The following ROR1 variants were observed in gnomAD, a reference collection of about 807,000 sequenced individuals.
The protein encoded by ROR1 is ROR family WNT receptor 1.
In ROR1, 19 loss-of-function variants were observed where a neutral mutation model predicts 78.8. That is an observed-to-expected ratio of 0.24 (90% CI 0.17 to 0.35). The LOEUF is 0.35. ROR1 is among the 10% of genes least tolerant of loss of function. ROR1 has a pLI of 1.00. For synonymous variants in ROR1, 386 were observed against 433.6 expected, an observed-to-expected ratio of 0.89 and a Z score of 1.36; for missense variants, 917 against 1,177.8, an observed-to-expected ratio of 0.78 and a Z score of 3.24.
intron 1 of ROR1, among the ~76,000 whole-genome samples, chr1:63,959,718 C>G (rs568933723): frequency 9.9e-5 from 15 of 152,204 alleles, no homozygotes; most frequent in Non-Finnish European, 1.5e-4. Flanking sequence ...TCAACATGAG[C>G]TAAGGAGCTA....
intron 1 of ROR1, among the ~76,000 whole-genome samples, chr1:63,829,430 C>T (rs965179915): frequency 8.5e-5 from 13 of 152,056 alleles, no homozygotes; most frequent in African/African-American, 2.2e-4. Flanking sequence ...ATGGGAGCAC[C>T]GTCACGAGGG....
chr1:64,146,424 C>T (rs762364075), intron 7 of ROR1, among the ~76,000 whole-genome samples: 3 of 152,066 alleles, frequency 2.0e-5, no homozygotes, highest in Non-Finnish European at 4.4e-5. Context: ...TGCAGTGAGC[C>T]GAGATCGCAC....
At chr1:63,957,050 C>T (rs1331434237) in intron 1 of ROR1, among the ~76,000 whole-genome samples, 1 of 152,148 alleles carries the variant, frequency 6.6e-6, no homozygotes, top group East Asian at 1.9e-4. Flanking sequence ...TGCTTCAGGT[C>T]TGGCTGGGCG....
chr1:63,982,385 A>G (rs188838464), intron 1 of ROR1, among the ~76,000 whole-genome samples: 8 of 152,346 alleles, frequency 5.3e-5, no homozygotes, highest in Admixed American at 3.9e-4. Context: ...CTATGTAAAT[A>G]TATGGTATTA....
intron 4 of ROR1, among the ~76,000 whole-genome samples, chr1:64,116,600 T>G (rs927936843): frequency 2.0e-5 from 3 of 152,176 alleles, no homozygotes; most frequent in Non-Finnish European, 2.9e-5. Flanking sequence ...ATAACAAACA[T>G]TCACAGATTG....
intron 1 of ROR1, among the ~76,000 whole-genome samples, chr1:63,913,756 G>C (rs1645588788): frequency 6.6e-6 from 1 of 152,186 alleles, no homozygotes; most frequent in South Asian, 2.1e-4. Context: ...AGCTGTCCAG[G>C]CTGTTTGGAT....
chr1:64,093,269 GAA>G lies in ROR1; in HGVS notation c.482+42554_482+42555del, dbSNP rs1028516489. Among the ~76,000 whole-genome samples the G allele has an allele frequency of 1.2e-4, 18 of 152,238 alleles. No homozygotes were observed. In the South Asian group the frequency reaches 3.3e-3, roughly 28 times the overall value. On this transcript the variant is annotated intron_variant, in intron 4 of 8. Transcript: ENST00000371079. The stretch of plus-strand genomic sequence containing the variant: ...AGGGTTTGTTTTTCCTGCTGTCCCA[GAA>G]TAGATGACTTAATGGGTTGCTGAAA...
chr1:64,029,776 C>T (rs180997496), intron 2 of ROR1, among the ~76,000 whole-genome samples: 85 of 152,244 alleles, frequency 5.6e-4, no homozygotes, highest in Non-Finnish European at 1.1e-3. Flanking sequence ...ACAGTCACAT[C>T]GGGGTTAGGG....
intron 1 of ROR1, among the ~76,000 whole-genome samples, chr1:63,967,889 T>TGTTG (rs1646087803): frequency 6.6e-6 from 1 of 152,224 alleles, no homozygotes; most frequent in Non-Finnish European, 1.5e-5. Context: ...ACTTTATGCA[T>TGTTG]AAACATTCAT....
At chr1:64,033,156 G>A (rs980764496) in intron 2 of ROR1, among the ~76,000 whole-genome samples, 1 of 152,186 alleles carries the variant, frequency 6.6e-6, no homozygotes, top group African/African-American at 2.4e-5. Context: ...TTCAGAAAGT[G>A]CAACGTCCTT....
intron 8 of ROR1, among the ~76,000 whole-genome samples, chr1:64,169,555 G>A (rs1650181086): frequency 6.6e-6 from 1 of 152,124 alleles, no homozygotes; most frequent in Admixed American, 6.5e-5. Flanking sequence ...TTTGGGTGGG[G>A]ACACTGCCAA....
intron 4 of ROR1, among the ~76,000 whole-genome samples, chr1:64,126,876 CT>C (rs1648729846): frequency 6.6e-6 from 1 of 152,106 alleles, no homozygotes. Flanking sequence ...TGGGAGGGAT[CT>C]TTTTCTGTTC....
chr1:64,166,573 C>T (rs1379794910), intron 8 of ROR1, among the ~76,000 whole-genome samples: 1 of 150,572 alleles, frequency 6.6e-6, no homozygotes, highest in Non-Finnish European at 1.5e-5. Context: ...GAAGCAAATG[C>T]TGTGCAAACA....
At chr1:64,013,961 T>A (rs1293931278) in intron 2 of ROR1, among the ~76,000 whole-genome samples, 2 of 152,242 alleles carry the variant, frequency 1.3e-5, no homozygotes, top group Non-Finnish European at 2.9e-5. Context: ...GCTAAGCAGG[T>A]TGCACGCATC....
intron 1 of ROR1, among the ~76,000 whole-genome samples, chr1:63,967,508 A>G (rs535058199): frequency 6.6e-6 from 1 of 152,166 alleles, no homozygotes; most frequent in East Asian, 1.9e-4. Context: ...CTACAGGTGC[A>G]TGCCACCACC....
chr1:63,888,317 G>A (rs957229186), intron 1 of ROR1, among the ~76,000 whole-genome samples: 7 of 152,202 alleles, frequency 4.6e-5, no homozygotes, highest in South Asian at 2.1e-4. Context: ...AAAGTCTGTC[G>A]TTAAGACTGA....
intron 1 of ROR1, among the ~76,000 whole-genome samples, chr1:63,812,324 A>G (rs1644864858): frequency 1.3e-5 from 2 of 152,218 alleles, no homozygotes; most frequent in Admixed American, 6.5e-5. Flanking sequence ...ATGCATTTAC[A>G]TATCATCTGT....
intron 1 of ROR1, among the ~76,000 whole-genome samples, chr1:63,803,737 A>T (rs1213028452): frequency 2.0e-5 from 3 of 152,246 alleles, no homozygotes; most frequent in Non-Finnish European, 4.4e-5. Flanking sequence ...TCCACATAAA[A>T]GCCTTTACAG....
intron 1 of ROR1, chr1:63,789,390 T>C (rs1004777422): frequency 1.9e-5 from 7 of 365,158 alleles, no homozygotes; most frequent in African/African-American, 1.3e-4. Context: ...GCAAAGCCAG[T>C]GAATGGGGAC....
Sources: gnomAD v4.1 joint callset for allele counts (sites outside exome capture counted in the v4.1 genomes callset) on GRCh38, gnomAD v4.1.1 for gene constraint, MANE v1.5 for transcripts, NCBI Gene and HGNC (gene_info 2026-07-23, HGNC 2026-07-21) for gene names.